Variants in ADAM12 observed in about 807,000 individuals in gnomAD.
The protein encoded by ADAM12 is disintegrin and metalloproteinase domain-containing protein 12.
In ADAM12, 70 loss-of-function variants were observed where a neutral mutation model predicts 106.4. The ratio of observed to expected loss-of-function variants is 0.66; its 90% confidence interval spans 0.54 to 0.80. The LOEUF (loss-of-function observed/expected upper bound fraction) is 0.80, where lower values mean the gene tolerates loss of function less well. Ranked by LOEUF, ADAM12 falls within the 30% of genes least tolerant of loss-of-function variation. ADAM12 has a pLI of 0.00. For synonymous variants in ADAM12, 420 were observed against 433.5 expected (o/e 0.97, Z 0.39); for missense variants, 1,010 against 1,171.9 (o/e 0.86, Z 2.02).
intron 8 of ADAM12, among the ~76,000 whole-genome samples, chr10:126,104,399 A>G (rs1955724721): frequency 6.6e-6 from 1 of 151,544 alleles, no homozygotes; most frequent in Non-Finnish European, 1.5e-5. Flanking sequence ...GCAGTGAGCC[A>G]AGATGGCGCC....
chr10:126,293,541 A>G (rs186010873), intron 2 of ADAM12, among the ~76,000 whole-genome samples: 173 of 152,248 alleles, frequency 1.1e-3, no homozygotes, highest in African/African-American at 4.0e-3. Flanking sequence ...TTTTTGAGAG[A>G]TGGAGTCTCA....
At chr10:126,163,404 T>G (rs1956970482) in intron 3 of ADAM12, among the ~76,000 whole-genome samples, 1 of 152,226 alleles carries the variant, frequency 6.6e-6, no homozygotes, top group African/African-American at 2.4e-5. Context: ...TCAAAATCTT[T>G]GGACATACTG....
At chr10:126,386,181 G>A (rs1444121164) in intron 1 of ADAM12, among the ~76,000 whole-genome samples, 2 of 152,036 alleles carry the variant, frequency 1.3e-5, no homozygotes, top group Admixed American at 1.3e-4. Flanking sequence ...GGCTGGGGAG[G>A]GAATGATTTG....
chr10:126,250,599 C>A (rs1405621387), intron 3 of ADAM12, among the ~76,000 whole-genome samples: 1 of 152,122 alleles, frequency 6.6e-6, no homozygotes, highest in African/African-American at 2.4e-5. Flanking sequence ...AACAAGGAAC[C>A]GCAATGGGGA....
At chr10:126,244,266 A>G (rs1003182282) in intron 3 of ADAM12, among the ~76,000 whole-genome samples, 1 of 152,204 alleles carries the variant, frequency 6.6e-6, no homozygotes, top group Non-Finnish European at 1.5e-5. Flanking sequence ...CAGAACTCTG[A>G]GAGATCAGAC....
intron 2 of ADAM12, among the ~76,000 whole-genome samples, chr10:126,316,038 C>T (rs1270750314): frequency 6.6e-6 from 1 of 152,122 alleles, no homozygotes; most frequent in Non-Finnish European, 1.5e-5. Flanking sequence ...TTATATGCCC[C>T]CGTGGTCTTG....
At chr10:126,328,544 C>A (rs1427260025) in intron 2 of ADAM12, among the ~76,000 whole-genome samples, 1 of 152,206 alleles carries the variant, frequency 6.6e-6, no homozygotes, top group African/African-American at 2.4e-5. Context: ...ACGTAACAGA[C>A]ATTGACATGC....
At chr10:126,063,724 A>C (rs997424175) in intron 14 of ADAM12, among the ~76,000 whole-genome samples, 7 of 152,140 alleles carry the variant, frequency 4.6e-5, no homozygotes, top group Non-Finnish European at 8.8e-5. Flanking sequence ...TGGGGCCTGC[A>C]CTTGTGGATT....
intron 3 of ADAM12, among the ~76,000 whole-genome samples, chr10:126,247,270 TAGAG>T (rs1227239855): frequency 1.3e-5 from 2 of 152,222 alleles, no homozygotes; most frequent in African/African-American, 2.4e-5. Flanking sequence ...TTGCTGCCTT[TAGAG>T]AGAGTCTGAA....
In ADAM12 at chr10:126,196,145, C is replaced by T. The variant is rs554175908; in HGVS notation, c.261-40840G>A. 2.0e-5 allele frequency among the ~76,000 whole-genome samples: 3 copies of T among 152,312 alleles called. No homozygotes were observed. The East Asian group carries it at 5.8e-4, about 29-fold the overall frequency. On this transcript the variant is annotated intron_variant, in intron 3 of 22. Coordinates refer to ENST00000448723, the MANE Select transcript of ADAM12 (RefSeq NM_001288973.2). ...TTAATAACTGGCCCTTCACAGAAAA[C>T]GTTTGTAGACCCTCATTCTAGGGGA...
At chr10:126,036,926 G>A (rs1565000798) in intron 20 of ADAM12, among the ~76,000 whole-genome samples, 1 of 151,840 alleles carries the variant, frequency 6.6e-6, no homozygotes, top group Non-Finnish European at 1.5e-5. Flanking sequence ...ATACAACTTG[G>A]TCATTTTTTG....
intron 21 of ADAM12, among the ~76,000 whole-genome samples, chr10:126,034,721 T>C (rs1326679471): frequency 1.3e-5 from 2 of 152,198 alleles, no homozygotes; most frequent in Admixed American, 1.3e-4. Flanking sequence ...ATTCATACTT[T>C]GCTTTTTATC....
At chr10:126,149,909 T>C (rs112728775) in intron 4 of ADAM12, among the ~76,000 whole-genome samples, 80 of 152,362 alleles carry the variant, frequency 5.3e-4, no homozygotes, top group South Asian at 4.4e-3. Context: ...TGTGAGTCTG[T>C]ACTCCTTAAC....
chr10:126,235,411 G>A (rs1311124985), intron 3 of ADAM12, among the ~76,000 whole-genome samples: 1 of 152,214 alleles, frequency 6.6e-6, no homozygotes, highest in Non-Finnish European at 1.5e-5. Context: ...GACAGGAAGA[G>A]GCTCTGGGAG....
At chr10:126,350,947 G>A (rs1004027039) in intron 1 of ADAM12, among the ~76,000 whole-genome samples, 29 of 152,212 alleles carry the variant, frequency 1.9e-4, no homozygotes, top group African/African-American at 6.5e-4. Context: ...CCCTGTCCAG[G>A]CTCTCCTGCA....
intron 2 of ADAM12, among the ~76,000 whole-genome samples, chr10:126,288,005 G>A (rs1257893202): frequency 6.6e-6 from 1 of 151,650 alleles, no homozygotes; most frequent in Non-Finnish European, 1.5e-5. Flanking sequence ...GGATGCAGGA[G>A]GAACACTAAC....
At chr10:126,062,104 C>T (rs976066175) in intron 14 of ADAM12, among the ~76,000 whole-genome samples, 3 of 152,122 alleles carry the variant, frequency 2.0e-5, no homozygotes, top group Admixed American at 1.3e-4. Context: ...TGAGGAGGGG[C>T]GGGCAGGACA....
chr10:126,040,358 G>A (rs1210953214), intron 18 of ADAM12, among the ~76,000 whole-genome samples: 2 of 152,138 alleles, frequency 1.3e-5, no homozygotes, highest in Admixed American at 6.5e-5. Flanking sequence ...AGTCCTTTCC[G>A]GCTGCTGGTG....
At chr10:126,079,209 A>G (rs1380435) in intron 11 of ADAM12, among the ~76,000 whole-genome samples, 46,702 of 151,988 alleles carry the variant, frequency 0.31, 7,363 homozygotes, top group South Asian at 0.43. Context: ...TCACTTCGAA[A>G]TATGTAATCC....
Sources: allele counts gnomAD v4.1 joint callset (sites outside exome capture counted in the v4.1 genomes callset), GRCh38; gene constraint gnomAD v4.1.1; transcripts MANE v1.5; gene names NCBI Gene and HGNC (gene_info 2026-07-23, HGNC 2026-07-21).